The following KIAA1549 variants were observed in gnomAD, a reference collection of about 807,000 sequenced individuals.
The protein encoded by KIAA1549 is KIAA1549, also known as UPF0606 protein KIAA1549.
Under a neutral mutation model 156.4 loss-of-function variants are expected in KIAA1549, and 70 were observed. The observed-to-expected ratio is 0.45, with a 90% CI of 0.37 to 0.55. The LOEUF (loss-of-function observed/expected upper bound fraction) is 0.55, where lower values mean the gene tolerates loss of function less well. KIAA1549 is among the 20% of genes least tolerant of loss of function. KIAA1549 has a pLI of 0.00. For synonymous variants in KIAA1549, 1,103 were observed against 1,066.4 expected, an observed-to-expected ratio of 1.03 and a Z score of -0.67; for missense variants, 2,428 against 2,540.9, an observed-to-expected ratio of 0.96 and a Z score of 0.96.
intron 10 of KIAA1549, among the ~76,000 whole-genome samples, chr7:138,887,444 T>C (rs149514288): frequency 6.6e-6 from 1 of 152,148 alleles, no homozygotes; most frequent in African/African-American, 2.4e-5. Context: ...GACACACAGT[T>C]TTCTAGGAGC....
chr7:138,960,294 G>T (rs78289148), intron 1 of KIAA1549, among the ~76,000 whole-genome samples: 37,884 of 106,482 alleles, frequency 0.36, 6,390 homozygotes, highest in African/African-American at 0.63. Flanking sequence ...TTATTTTATT[G>T]ATTTATTGAT....
chr7:138,966,280 G>C (rs758264155), intron 1 of KIAA1549, among the ~76,000 whole-genome samples: 1 of 151,122 alleles, frequency 6.6e-6, no homozygotes. Flanking sequence ...AAATTTGCAC[G>C]CACACACACA....
intron 1 of KIAA1549, among the ~76,000 whole-genome samples, chr7:138,937,741 G>A (rs532942588): frequency 5.8e-4 from 88 of 152,286 alleles, no homozygotes; most frequent in Non-Finnish European, 8.8e-4. Flanking sequence ...GGAGCCTGTC[G>A]TTTGAGACTC....
intron 2 of KIAA1549, among the ~76,000 whole-genome samples, chr7:138,914,448 T>C (rs1812258728): frequency 6.6e-6 from 1 of 152,170 alleles, no homozygotes; most frequent in Non-Finnish European, 1.5e-5. Flanking sequence ...CCAGGGCGCG[T>C]GCAGGCAAGT....
At chr7:138,867,613 AG>A (rs1198432305) in intron 15 of KIAA1549, among the ~76,000 whole-genome samples, 1 of 152,178 alleles carries the variant, frequency 6.6e-6, no homozygotes, top group Non-Finnish European at 1.5e-5. Context: ...ACTAGGGAGA[AG>A]GAAAAAAACC....
chr7:138,946,273 G>A (rs1315177546), intron 1 of KIAA1549, among the ~76,000 whole-genome samples: 1 of 152,104 alleles, frequency 6.6e-6, no homozygotes, highest in East Asian at 1.9e-4. Context: ...CTGCTTGTAT[G>A]TAAGCCTTAG....
chr7:138,943,308 A>G (rs566551352), intron 1 of KIAA1549, among the ~76,000 whole-genome samples: 3 of 152,274 alleles, frequency 2.0e-5, no homozygotes, highest in East Asian at 1.9e-4. Context: ...GGTTTGCCCA[A>G]ATCCCTGCCA....
At chr7:138,850,701 T>C (rs1810210055) in intron 17 of KIAA1549, among the ~76,000 whole-genome samples, 1 of 152,192 alleles carries the variant, frequency 6.6e-6, no homozygotes, top group Admixed American at 6.5e-5. Flanking sequence ...GCTCTGAAGT[T>C]TAATTAGATC....
At chr7:138,868,553 G>A (rs570408504) in intron 14 of KIAA1549, among the ~76,000 whole-genome samples, 1 of 152,134 alleles carries the variant, frequency 6.6e-6, no homozygotes. Flanking sequence ...TCAGCCTCCT[G>A]AGTAGCTGGG....
rs546870876 is a variant in KIAA1549, at chr7:138,882,275, G to A, written c.4033-691C>T. 5.9e-5 allele frequency among the ~76,000 whole-genome samples: 9 copies of A among 152,360 alleles called. 1 individual carries two copies. The South Asian group carries it at 1.9e-3, about 32-fold the overall frequency. ...ACATGGGAAGGAATGAACAGCTCTAGGGATCAGGCAGAAAGACCTAGAAGC... is the reference window on the plus strand; with the variant it reads ...ACATGGGAAGGAATGAACAGCTCTAAGGATCAGGCAGAAAGACCTAGAAGC... On this transcript the variant is annotated intron_variant, in intron 10 of 19. Coordinates refer to ENST00000422774, the MANE Select transcript of KIAA1549 (RefSeq NM_001164665.2).
At chr7:138,920,792 T>G (rs1360409881) in intron 1 of KIAA1549, among the ~76,000 whole-genome samples, 1 of 152,232 alleles carries the variant, frequency 6.6e-6, no homozygotes, top group Non-Finnish European at 1.5e-5. Context: ...AACATACCTG[T>G]GTGAAATGGT....
intron 1 of KIAA1549, among the ~76,000 whole-genome samples, chr7:138,977,045 TAAAAC>T (rs1290084375): frequency 6.6e-6 from 1 of 152,062 alleles, no homozygotes; most frequent in Non-Finnish European, 1.5e-5. Flanking sequence ...TGGCCAATAA[TAAAAC>T]AGCACATTAA....
intron 1 of KIAA1549, among the ~76,000 whole-genome samples, chr7:138,961,767 AG>A (rs764641050): frequency 5.3e-5 from 8 of 150,880 alleles, no homozygotes; most frequent in Non-Finnish European, 8.8e-5. Context: ...GCTTGATCTC[AG>A]GGGTTCAAGG....
At chr7:138,968,103 C>T (rs776117489) in intron 1 of KIAA1549, among the ~76,000 whole-genome samples, 2 of 152,190 alleles carry the variant, frequency 1.3e-5, no homozygotes, top group Non-Finnish European at 2.9e-5. Context: ...AAACCAAACA[C>T]TGCATGTTCT....
intron 1 of KIAA1549, among the ~76,000 whole-genome samples, chr7:138,919,925 A>G (rs1812510728): frequency 6.6e-6 from 1 of 152,156 alleles, no homozygotes; most frequent in Non-Finnish European, 1.5e-5. Context: ...AGAAATGAAC[A>G]TGACAACTCA....
At chr7:138,877,648 C>G (rs1021101509) in intron 12 of KIAA1549, among the ~76,000 whole-genome samples, 1 of 152,232 alleles carries the variant, frequency 6.6e-6, no homozygotes, top group East Asian at 1.9e-4. Flanking sequence ...AAGTAAAGTT[C>G]TAAAAGTAAA....
intron 1 of KIAA1549, among the ~76,000 whole-genome samples, chr7:138,932,808 T>C (rs1812908950): frequency 6.6e-6 from 1 of 152,186 alleles, no homozygotes. Flanking sequence ...GCTATTACCA[T>C]GACCCCCAGG....
rs558735869 is a variant in KIAA1549 at position 138,899,166 on chromosome 7, A to C, written c.3670-34T>G. 3 of 1,598,814 alleles carry C rather than the reference A, an allele frequency of 1.9e-6. No individual in the cohort carries two copies. The African/African-American group carries it at 4.0e-5, about 21-fold the overall frequency. ...TAGCAGAAACCATTCACATTGCAGA[A>C]GCTCATGTTTCTAGATGCCCTCTCT... On this transcript the variant is annotated intron_variant, in intron 8 of 19. Coordinates refer to ENST00000422774, the MANE Select transcript of KIAA1549 (RefSeq NM_001164665.2).
intron 1 of KIAA1549, among the ~76,000 whole-genome samples, chr7:138,958,208 C>A (rs757983668): frequency 6.6e-6 from 1 of 151,912 alleles, no homozygotes; most frequent in Non-Finnish European, 1.5e-5. Flanking sequence ...GGGCCATCTG[C>A]GGGTTCAGCC....
Sources: gnomAD v4.1 joint callset for allele counts (sites outside exome capture counted in the v4.1 genomes callset) on GRCh38, gnomAD v4.1.1 for gene constraint, MANE v1.5 for transcripts, NCBI Gene and HGNC (gene_info 2026-07-23, HGNC 2026-07-21) for gene names.